Variants in MAP4 observed in about 807,000 individuals in gnomAD.
MAP4 encodes the protein microtubule associated protein 4.
Under a neutral mutation model 170.2 loss-of-function variants are expected in MAP4, and 76 were observed. The observed-to-expected ratio is 0.45, with a 90% CI of 0.37 to 0.54. The LOEUF is 0.54. MAP4 is among the 20% of genes least tolerant of loss of function. The probability of loss-of-function intolerance (pLI) is 0.00; values close to 1 mark genes in which losing one functional copy is unlikely to be tolerated. For missense variants in MAP4, 2,506 were observed against 2,748.0 expected (o/e 0.91, Z 1.97); for synonymous variants, 909 against 994.5 (o/e 0.91, Z 1.62).
At chr3:48,066,997 C>T (rs1053901544) in intron 1 of MAP4, among the ~76,000 whole-genome samples, 6 of 151,838 alleles carry the variant, frequency 4.0e-5, no homozygotes, top group Non-Finnish European at 5.9e-5. Flanking sequence ...CCCATCACCA[C>T]GCCCGGCTAA....
chr3:47,887,467 C>T (rs576650355), intron 10 of MAP4, among the ~76,000 whole-genome samples: 93 of 152,360 alleles, frequency 6.1e-4, no homozygotes, highest in African/African-American at 2.1e-3. Flanking sequence ...GGACCTGCAG[C>T]CCGCCATGCC....
rs534943763 is a variant in MAP4 at position 47,852,974 on chromosome 3, A to G, written c.6887-36T>C. ...ATGGGAGGAGGGAAGGGAGAGGGGA[A>G]CAGGGGAGACAAGAGGGGAACACGG... On this transcript the variant is annotated intron_variant, in intron 20 of 20. Coordinates refer to ENST00000683076, the MANE Select transcript of MAP4 (RefSeq NM_001385682.1). The G allele has an allele frequency of 8.5e-5, 138 of 1,614,118 alleles. No homozygotes were observed. In the East Asian group the frequency reaches 2.8e-3, roughly 33 times the overall value.
intron 12 of MAP4, among the ~76,000 whole-genome samples, chr3:47,874,666 TC>T (rs1375519894): frequency 6.6e-6 from 1 of 152,100 alleles, no homozygotes; most frequent in Non-Finnish European, 1.5e-5. Context: ...CCCTCTGCCC[TC>T]TTATTCAAAC....
chr3:48,032,432 G>A (rs2100116666), intron 1 of MAP4, among the ~76,000 whole-genome samples: 3 of 151,878 alleles, frequency 2.0e-5, no homozygotes, highest in African/African-American at 2.4e-5. Context: ...AATCTCGGAG[G>A]CGGAGGTTGC....
chr3:47,896,795 A>C (rs1395181100), intron 10 of MAP4, among the ~76,000 whole-genome samples: 1 of 152,198 alleles, frequency 6.6e-6, no homozygotes, highest in Non-Finnish European at 1.5e-5. Context: ...AGAAAAGCTA[A>C]ATTTCAAAAT....
intron 18 of MAP4, among the ~76,000 whole-genome samples, chr3:47,856,831 C>T (rs2057357082): frequency 6.6e-6 from 1 of 152,236 alleles, no homozygotes. Flanking sequence ...CAGTCCTACT[C>T]ACAAATCTGC....
intron 5 of MAP4, among the ~76,000 whole-genome samples, chr3:47,920,207 G>A (rs2100042010): frequency 6.6e-6 from 1 of 152,134 alleles, no homozygotes; most frequent in Non-Finnish European, 1.5e-5. Context: ...CTGACCTCAG[G>A]TGATCTGCCC....
At chr3:47,861,176 TATG>T (rs971914286) in intron 17 of MAP4, among the ~76,000 whole-genome samples, 4 of 151,966 alleles carry the variant, frequency 2.6e-5, no homozygotes, top group Non-Finnish European at 5.9e-5. Context: ...GCCTGACCAA[TATG>T]GTAAAACCCC....
chr3:48,070,132 G>A (rs1364825759), intron 1 of MAP4, among the ~76,000 whole-genome samples: 1 of 151,778 alleles, frequency 6.6e-6, no homozygotes, highest in Non-Finnish European at 1.5e-5. Flanking sequence ...ACCATGGCTA[G>A]ATAATTTTTT....
At chr3:48,040,234 G>C (rs917307136) in intron 1 of MAP4, among the ~76,000 whole-genome samples, 1 of 151,924 alleles carries the variant, frequency 6.6e-6, no homozygotes, top group African/African-American at 2.4e-5. Context: ...GGATCTTAAG[G>C]TTTTAAATTT....
chr3:47,944,754 A>T (rs925088521), intron 3 of MAP4, among the ~76,000 whole-genome samples: 2 of 151,736 alleles, frequency 1.3e-5, no homozygotes, highest in Non-Finnish European at 2.9e-5. Context: ...CACAAGTAAA[A>T]TCCAAACTGT....
chr3:47,870,917 G>T lies in MAP4; in HGVS notation c.6190C>A (p.Arg2064=), dbSNP rs754738213. ...GTATTGGTGGCCAGGCGGCTGAGCC[G>T]GGGGGTGGTGGAGCTGGGTTTGGCC... ...TSAKPSSTTP[R]LSRLATNTSA... Residue 2064 remains arginine (R), a synonymous_variant, in exon 15 of 21, where the codon CGG becomes AGG. Coordinates refer to ENST00000683076, the MANE Select transcript of MAP4 (RefSeq NM_001385682.1). 1 of 1,613,300 alleles carries T rather than the reference G, an allele frequency of 6.2e-7. No individual in the cohort carries two copies. The highest frequency in any genetic ancestry group is 8.5e-7 in the Non-Finnish European group (1 of 1,179,520).
At chr3:47,984,361 A>G (rs1251691532) in intron 2 of MAP4, among the ~76,000 whole-genome samples, 1 of 152,174 alleles carries the variant, frequency 6.6e-6, no homozygotes, top group Non-Finnish European at 1.5e-5. Flanking sequence ...TGTGACTTTC[A>G]TATAAGATGC....
chr3:48,007,045 T>G (rs2100102735), intron 1 of MAP4, among the ~76,000 whole-genome samples: 1 of 152,262 alleles, frequency 6.6e-6, no homozygotes, highest in Non-Finnish European at 1.5e-5. Context: ...TCCGGCTTTG[T>G]GTCATAATCT....
chr3:47,915,002 T>C (rs2100037968), intron 7 of MAP4, 63 bp from the exon 8 acceptor site: 1 of 1,602,500 alleles, frequency 6.2e-7, no homozygotes, highest in Non-Finnish European at 8.5e-7. Context: ...ATTTTCCATC[T>C]GCCAGAAATT....
Position 47,855,431 on chromosome 3 carries a change from G to A in MAP4, c.6584-71C>T, listed in dbSNP as rs2053847717. 1.1e-6 allele frequency: 1 copy of A among 888,266 alleles called. No individual in the cohort carries two copies. Among genetic ancestry groups the A allele is most frequent in the Non-Finnish European group, 1.9e-6 (1 of 520,530 alleles). The allele number at this position is 888,266 out of a possible 1,614,324, so 55.0% of individuals were successfully genotyped here. On this transcript the variant is annotated intron_variant, in intron 18 of 20. Transcript: ENST00000683076. This position sits in a 1 kb window ranked among gnomAD's most constrained non-coding sequence, Gnocchi z 5.1. ...CCCTGCAGGCAAAACCAGGACTAGC[G>A]ATATGCCCAATCTAGAAATGAGACA...
chr3:48,045,967 A>T (rs1048828474), intron 1 of MAP4, among the ~76,000 whole-genome samples: 1 of 151,414 alleles, frequency 6.6e-6, no homozygotes, highest in Non-Finnish European at 1.5e-5. Flanking sequence ...TTCACTACAA[A>T]ATTTCTTGCA....
chr3:47,958,535 G>C (rs981646036), intron 3 of MAP4, among the ~76,000 whole-genome samples: 4 of 151,806 alleles, frequency 2.6e-5, no homozygotes, highest in African/African-American at 9.7e-5. Context: ...TTGTTTTTTT[G>C]AGACCGAGTC....
chr3:47,993,091 ATCACT>A lies in MAP4; in HGVS notation c.223+5542_223+5546del, dbSNP rs2100093358. 2.0e-5 allele frequency among the ~76,000 whole-genome samples: 3 copies of A among 152,342 alleles called. No homozygotes were observed. In the South Asian group the frequency reaches 6.2e-4, roughly 32 times the overall value. Reference sequence around the variant, plus strand: ...GAAGCTTGGATGAAAGAATGGTGAAATCACTGATGCTTTGTGTAAAGTTTATGGGG... The same window carrying A: ...GAAGCTTGGATGAAAGAATGGTGAAAGATGCTTTGTGTAAAGTTTATGGGG... On this transcript the variant is annotated intron_variant, in intron 2 of 20. Transcript: ENST00000683076.
Sources: allele counts gnomAD v4.1 joint callset (sites outside exome capture counted in the v4.1 genomes callset), GRCh38; gene constraint gnomAD v4.1.1; non-coding constraint Gnocchi (gnomAD v3.1); transcripts MANE v1.5; gene names NCBI Gene and HGNC (gene_info 2026-07-23, HGNC 2026-07-21).